The following PDE6C variants were observed in gnomAD, a reference collection of about 807,000 sequenced individuals.
The protein encoded by PDE6C is phosphodiesterase 6C.
Under a neutral mutation model 113.1 loss-of-function variants are expected in PDE6C, and 75 were observed. That is an observed-to-expected ratio of 0.66 (90% CI 0.55 to 0.80). The LOEUF (loss-of-function observed/expected upper bound fraction) is 0.80, where lower values mean the gene tolerates loss of function less well. Ranked by LOEUF, PDE6C falls within the 30% of genes least tolerant of loss-of-function variation. The pLI is 0.00. For missense variants in PDE6C, 912 were observed against 1,038.6 expected (o/e 0.88, Z 1.67); for synonymous variants, 375 against 363.7 (o/e 1.03, Z -0.35).
intron 1 of PDE6C, 50 bp from the exon 2 acceptor site, chr10:93,620,582 C>A (rs1214047056): frequency 1.3e-6 from 2 of 1,580,172 alleles, no homozygotes; most frequent in Non-Finnish European, 1.7e-6. Context: ...CTAGATCTAC[C>A]ACTCTATGAT....
At chr10:93,645,210 A>G (rs618951) in intron 14 of PDE6C, among the ~76,000 whole-genome samples, 34,825 of 151,996 alleles carry the variant, frequency 0.23, 4,114 homozygotes, top group Admixed American at 0.28. Context: ...ATCGATTGTA[A>G]TATTGATCAG....
intron 4 of PDE6C, among the ~76,000 whole-genome samples, chr10:93,624,002 A>AT (rs944577691): frequency 1.5e-4 from 23 of 151,978 alleles, no homozygotes; most frequent in Non-Finnish European, 2.5e-4. Flanking sequence ...GATTTTATAT[A>AT]TTTTTTTATA....
Position 93,646,991 on chromosome 10 carries a change from G to A in PDE6C, c.1935+944G>A, listed in dbSNP as rs775676067. Among the ~76,000 whole-genome samples the A allele has an allele frequency of 2.6e-5, 4 of 152,342 alleles. No individual in the cohort carries two copies. The South Asian group carries it at 6.2e-4, about 24-fold the overall frequency. Reference sequence around the variant, plus strand: ...GAAAGGGGCAAAGAGGGTGGGATCAGAGATGGCTTTCTGCAGGAGCGGCTC... The same window carrying A: ...GAAAGGGGCAAAGAGGGTGGGATCAAAGATGGCTTTCTGCAGGAGCGGCTC... On this transcript the variant is annotated intron_variant, in intron 15 of 21. Transcript: ENST00000371447.
At chr10:93,636,158 G>A (rs1017218649) in intron 10 of PDE6C, among the ~76,000 whole-genome samples, 2 of 152,148 alleles carry the variant, frequency 1.3e-5, no homozygotes, top group Non-Finnish European at 2.9e-5. Context: ...AAGTGCAAGA[G>A]AGCAAACCTA....
At chr10:93,649,728 C>T (rs2058601059) in intron 15 of PDE6C, among the ~76,000 whole-genome samples, 1 of 152,118 alleles carries the variant, frequency 6.6e-6, no homozygotes, top group South Asian at 2.1e-4. Flanking sequence ...CCTCAGCCTC[C>T]CAAGTAGCTA....
chr10:93,616,972 T>C (rs553163426), intron 1 of PDE6C, among the ~76,000 whole-genome samples: 19 of 152,308 alleles, frequency 1.2e-4, no homozygotes, highest in African/African-American at 3.8e-4. Flanking sequence ...TTTAAGTTGT[T>C]TTTTTCTCTA....
chr10:93,646,648 G>A (rs888016897), intron 15 of PDE6C, among the ~76,000 whole-genome samples: 3 of 152,138 alleles, frequency 2.0e-5, no homozygotes, highest in African/African-American at 7.2e-5. Context: ...TATGGCCAGA[G>A]CAGAAGGAAG....
intron 4 of PDE6C, among the ~76,000 whole-genome samples, chr10:93,622,653 T>G (rs1589693777): frequency 1.8e-5 from 2 of 110,346 alleles, no homozygotes; most frequent in African/African-American, 8.5e-5. Flanking sequence ...TTTTTTTGTT[T>G]TTTTTTTTGT....
chr10:93,625,440 A>G (rs2058468765), intron 4 of PDE6C, 135 bp from the exon 5 acceptor site: 2 of 690,820 alleles, frequency 2.9e-6, no homozygotes, highest in East Asian at 2.9e-5. Flanking sequence ...ATTGCTGGGA[A>G]TTGTAGATCT....
Position 93,626,678 on chromosome 10 carries a change from T to C in PDE6C, c.978T>C (p.His326=). The part of the protein sequence containing the change: ...NFYKIIDYIL[H]GKEEIKVIPT... ...ATAAAATCATTGATTACATTTTACA[T>C]GGAAAAGAAGAGATCAAAGTGATTC... is the stretch of plus-strand genomic sequence containing the variant. Residue 326 remains histidine (H), a synonymous_variant, in exon 6 of 22, where the codon CAT becomes CAC. Transcript: ENST00000371447. 1.2e-6 allele frequency: 2 copies of C among 1,602,362 alleles called. No homozygotes were observed. Among genetic ancestry groups the C allele is most frequent in the Non-Finnish European group, 8.6e-7 (1 of 1,169,368 alleles).
rs1554890746 is a variant in PDE6C, at chr10:93,644,780, G to GTGTA, written c.1848-1179_1848-1178insGTAT. On this transcript the variant is annotated intron_variant, in intron 14 of 21. Coordinates refer to ENST00000371447, the MANE Select transcript of PDE6C (RefSeq NM_006204.4). ...TTCAAATAAAGAAAATGTGGTGCGTGTATATATATATATATAGTATATATA... is the reference window on the plus strand; with the variant it reads ...TTCAAATAAAGAAAATGTGGTGCGTGTGTATATATATATATATATAGTATATATA... Among the ~76,000 whole-genome samples the GTGTA allele has an allele frequency of 1.3e-4, 18 of 142,964 alleles. 1 individual carries two copies. Among genetic ancestry groups the GTGTA allele is most frequent in the South Asian group, 6.5e-4 (3 of 4,600 alleles). 93.8% of individuals were successfully genotyped at this position (142,964 alleles called of 152,430 possible). A position where few individuals can be genotyped will look rare whatever the true frequency, so the allele number is the denominator to read the frequency against.
chr10:93,660,958 A>C (rs1221253642), intron 18 of PDE6C, among the ~76,000 whole-genome samples: 1 of 151,894 alleles, frequency 6.6e-6, no homozygotes, highest in Non-Finnish European at 1.5e-5. Context: ...AAAGGCTCAT[A>C]CTCCCCATTG....
chr10:93,649,170 G>A (rs762492530), intron 15 of PDE6C, among the ~76,000 whole-genome samples: 13 of 152,124 alleles, frequency 8.5e-5, no homozygotes, highest in Non-Finnish European at 1.5e-4. Flanking sequence ...GATTCTTTCC[G>A]TGAGCAAATG....
intron 4 of PDE6C, among the ~76,000 whole-genome samples, chr10:93,622,662 GTTGT>G (rs2058453855): frequency 6.0e-5 from 3 of 49,748 alleles, no homozygotes; most frequent in African/African-American, 9.6e-5. Context: ...TTTTTTTTTT[GTTGT>G]TTTTTTTTTT....
chr10:93,627,558 G>A (rs1331224859), intron 7 of PDE6C, among the ~76,000 whole-genome samples: 1 of 152,126 alleles, frequency 6.6e-6, no homozygotes, highest in Non-Finnish European at 1.5e-5. Flanking sequence ...GGGATGGTGT[G>A]GGATGTGGAA....
intron 15 of PDE6C, among the ~76,000 whole-genome samples, chr10:93,650,597 G>C (rs1051706657): frequency 6.6e-6 from 1 of 152,046 alleles, no homozygotes; most frequent in African/African-American, 2.4e-5. Context: ...TTAAATAAAA[G>C]GTATTGCATT....
At chr10:93,652,464 GA>G (rs1830877518) in intron 15 of PDE6C, among the ~76,000 whole-genome samples, 1 of 152,118 alleles carries the variant, frequency 6.6e-6, no homozygotes, top group Non-Finnish European at 1.5e-5. Context: ...TGAGTGAGAA[GA>G]AAAAGGTATG....
chr10:93,661,433 C>T (rs1265118158), intron 18 of PDE6C, among the ~76,000 whole-genome samples: 2 of 152,156 alleles, frequency 1.3e-5, no homozygotes, highest in African/African-American at 4.8e-5. Context: ...CTCCCTGACC[C>T]ATAGCACTTA....
At chr10:93,653,199 G>A (rs1457291070) in intron 15 of PDE6C, among the ~76,000 whole-genome samples, 1 of 152,238 alleles carries the variant, frequency 6.6e-6, no homozygotes, top group Non-Finnish European at 1.5e-5. Context: ...TCCAAAATCA[G>A]GGGCAGGTTA....
Sources: allele counts gnomAD v4.1 joint callset (sites outside exome capture counted in the v4.1 genomes callset), GRCh38; gene constraint gnomAD v4.1.1; transcripts MANE v1.5; gene names NCBI Gene and HGNC (gene_info 2026-07-23, HGNC 2026-07-21).